ADAM10: variants seen among roughly 807,000 people sequenced by gnomAD.
The protein encoded by ADAM10 is ADAM metallopeptidase domain 10, also known as disintegrin and metalloproteinase domain-containing protein 10.
Under a neutral mutation model 90.1 loss-of-function variants are expected in ADAM10, and 17 were observed. The observed-to-expected ratio is 0.19, with a 90% CI of 0.13 to 0.28. The LOEUF (loss-of-function observed/expected upper bound fraction) is 0.28, where lower values mean the gene tolerates loss of function less well. Among genes scored for constraint, ADAM10 ranks in the 10% least tolerant of loss-of-function variants. ADAM10 has a pLI of 1.00. For missense variants in ADAM10, 610 were observed against 914.3 expected (o/e 0.67, Z 4.29); for synonymous variants, 310 against 298.6 (o/e 1.04, Z -0.40).
At chr15:58,604,886 C>T (rs1272536465) in intron 14 of ADAM10, among the ~76,000 whole-genome samples, 1 of 152,138 alleles carries the variant, frequency 6.6e-6, no homozygotes, top group Admixed American at 6.5e-5. Context: ...AAGGTACATG[C>T]CGCCACACCC....
intron 1 of ADAM10, among the ~76,000 whole-genome samples, chr15:58,724,850 G>A (rs1171368436): frequency 6.6e-6 from 1 of 152,200 alleles, no homozygotes; most frequent in African/African-American, 2.4e-5. Context: ...AATGTATGGA[G>A]CATTGCTACA....
chr15:58,592,366 A>G lies in ADAM10; in HGVS notation c.*5181T>C, dbSNP rs1397340266. On this transcript the variant is annotated 3_prime_UTR_variant, in exon 16 of 16. Coordinates refer to ENST00000260408, the MANE Select transcript of ADAM10 (RefSeq NM_001110.4). ...AACTATAATTCTGTCCACTACCATCATTAACTCACAGAGTTAAATACAATA... is the reference window on the plus strand; with the variant it reads ...AACTATAATTCTGTCCACTACCATCGTTAACTCACAGAGTTAAATACAATA... 1.3e-5 allele frequency: 2 copies of G among 152,230 alleles called. No homozygotes were observed. The highest frequency in any genetic ancestry group is 2.1e-4 in the South Asian group (1 of 4,838). 9.4% of individuals were successfully genotyped at this position (152,230 alleles called of 1,614,324 possible). A position where few individuals can be genotyped will look rare whatever the true frequency, so the allele number is the denominator to read the frequency against.
At chr15:58,732,327 A>G (rs1899277469) in intron 1 of ADAM10, 1 of 152,320 alleles carries the variant, frequency 6.6e-6, no homozygotes, top group South Asian at 2.1e-4. Context: ...AAGAATTCAC[A>G]GCAAAGAAAT....
At position 58,717,660 on chromosome 15, in the gene ADAM10, T is replaced by C; in HGVS notation, c.123A>G (p.Ser41=). The C allele has an allele frequency of 6.2e-7, 1 of 1,613,896 alleles. No individual in the cohort carries two copies. The highest frequency in any genetic ancestry group is 8.5e-7 in the Non-Finnish European group (1 of 1,179,934). ...HYEGLSYNVD[S]LHQKHQRAKR... ...TGGCACGCTGGTGTTTTTGGTGTAA[T>C]GAATCCACATTGTAAGATAATCCTT... The change falls in exon 2 of 16, where the codon TCA becomes TCG. Residue 41 remains serine, a synonymous_variant. Transcript: ENST00000260408.
chr15:58,639,437 T>C (rs1596017735), intron 8 of ADAM10, among the ~76,000 whole-genome samples: 2 of 152,176 alleles, frequency 1.3e-5, no homozygotes, highest in Non-Finnish European at 2.9e-5. Context: ...TACTAATGAA[T>C]AGGGAGAAGA....
At chr15:58,722,709 G>C (rs895392643) in intron 1 of ADAM10, among the ~76,000 whole-genome samples, 1 of 150,256 alleles carries the variant, frequency 6.7e-6, no homozygotes, top group African/African-American at 2.4e-5. Flanking sequence ...ACATTGAAAA[G>C]GCTACAAATT....
intron 1 of ADAM10, among the ~76,000 whole-genome samples, chr15:58,743,813 G>A (rs1404284252): frequency 6.6e-6 from 1 of 151,764 alleles, no homozygotes; most frequent in African/African-American, 2.4e-5. Flanking sequence ...GCCATGTTGG[G>A]CAGGCTTGTC....
intron 2 of ADAM10, among the ~76,000 whole-genome samples, chr15:58,705,783 C>T (rs1192127296): frequency 6.6e-6 from 1 of 152,098 alleles, no homozygotes; most frequent in East Asian, 1.9e-4. Context: ...TTCAGTTATC[C>T]ACAGTCAACT....
intron 1 of ADAM10, chr15:58,747,699 A>C (rs1735015357): frequency 6.6e-6 from 1 of 152,208 alleles, no homozygotes; most frequent in Admixed American, 6.5e-5. Flanking sequence ...ACCAAAAATT[A>C]GCCTTTTAAC....
In ADAM10 at chr15:58,711,736, G is replaced by A. The variant is rs147807289; in HGVS notation, c.206+5841C>T. Among the ~76,000 whole-genome samples, 132 of 152,176 alleles carry A rather than the reference G, an allele frequency of 8.7e-4. 1 individual carries two copies. The highest frequency in any genetic ancestry group is 3.0e-3 in the African/African-American group (125 of 41,524). ...ATATGAAGAATGAAAAGGTTTAAAC[G>A]TACATATACATACAACCACAAAAAT... On this transcript the variant is annotated intron_variant, in intron 2 of 15. Transcript: ENST00000260408.
At chr15:58,606,921 G>A (rs527286008) in intron 14 of ADAM10, among the ~76,000 whole-genome samples, 3 of 152,342 alleles carry the variant, frequency 2.0e-5, no homozygotes, top group African/African-American at 7.2e-5. Flanking sequence ...AGTCACTGTT[G>A]CAGCTACTCA....
intron 2 of ADAM10, among the ~76,000 whole-genome samples, chr15:58,693,861 C>A (rs1897897845): frequency 6.6e-6 from 1 of 150,822 alleles, no homozygotes; most frequent in Admixed American, 6.6e-5. Context: ...TTAAAAACCT[C>A]TTACAAATCA....
At chr15:58,661,276 G>A (rs1383882096) in intron 5 of ADAM10, among the ~76,000 whole-genome samples, 5 of 151,900 alleles carry the variant, frequency 3.3e-5, no homozygotes, top group Middle Eastern at 3.2e-3. Context: ...GTGTGTATCC[G>A]AGTTTCCATC....
At chr15:58,659,773 G>A (rs989388128) in intron 5 of ADAM10, among the ~76,000 whole-genome samples, 1 of 152,096 alleles carries the variant, frequency 6.6e-6, no homozygotes. Context: ...CTGTCGCCCA[G>A]GCTGGAGTGC....
intron 2 of ADAM10, among the ~76,000 whole-genome samples, chr15:58,700,103 TATTA>T (rs1251128490): frequency 4.5e-4 from 68 of 152,238 alleles, no homozygotes; most frequent in Non-Finnish European, 9.6e-4. Context: ...ATGCAAATAT[TATTA>T]GATCTAAAGG....
At chr15:58,615,284 A>G (rs1229873597) in intron 11 of ADAM10, among the ~76,000 whole-genome samples, 2 of 151,748 alleles carry the variant, frequency 1.3e-5, no homozygotes, top group Non-Finnish European at 2.9e-5. Context: ...AAGAAAAAAA[A>G]AAAAAAAAAA....
At chr15:58,685,544 G>T (rs1419488677) in intron 2 of ADAM10, among the ~76,000 whole-genome samples, 1 of 65,872 alleles carries the variant, frequency 1.5e-5, no homozygotes, top group Non-Finnish European at 3.0e-5. Context: ...ATATGAAGGA[G>T]AATATATATA....
At chr15:58,599,845 G>A (rs1895061749) in intron 14 of ADAM10, 121 bp from the exon 15 acceptor site, 2 of 993,448 alleles carry the variant, frequency 2.0e-6, no homozygotes, top group African/African-American at 3.3e-5. Flanking sequence ...AAGAACATTT[G>A]TTTAGGAGTT....
At chr15:58,703,024 T>A (rs1391134809) in intron 2 of ADAM10, among the ~76,000 whole-genome samples, 1 of 152,212 alleles carries the variant, frequency 6.6e-6, no homozygotes, top group African/African-American at 2.4e-5. Context: ...TCCACATCTT[T>A]ATGCTATTTT....
Sources: allele counts gnomAD v4.1 joint callset (sites outside exome capture counted in the v4.1 genomes callset), GRCh38; gene constraint gnomAD v4.1.1; transcripts MANE v1.5; gene names NCBI Gene and HGNC (gene_info 2026-07-23, HGNC 2026-07-21).